Variants in TENM3 observed in about 807,000 individuals in gnomAD.
TENM3 encodes the protein teneurin-3.
TENM3 carries 63 observed loss-of-function variants against 255.1 expected under a neutral mutation model. The observed-to-expected ratio is 0.25, with a 90% CI of 0.20 to 0.30. The LOEUF is 0.30. TENM3 is among the 10% of genes least tolerant of loss of function. TENM3 has a pLI of 1.00. For synonymous variants in TENM3, 1,306 were observed against 1,322.3 expected (o/e 0.99, Z 0.27); for missense variants, 2,929 against 3,461.1 (o/e 0.85, Z 3.86).
At chr4:182,768,322 G>A (rs1480367005) in intron 22 of TENM3, among the ~76,000 whole-genome samples, 1 of 152,204 alleles carries the variant, frequency 6.6e-6, no homozygotes, top group South Asian at 2.1e-4. Flanking sequence ...GAAAGTTTTC[G>A]AGAACTGCAA....
the TENM3 span, among the ~76,000 whole-genome samples, chr4:181,691,232 ATCT>A: frequency 6.0e-4 from 68 of 113,802 alleles, no homozygotes; most frequent in African/African-American, 1.6e-3. Flanking sequence ...GACAAATATG[ATCT>A]TGTGTGTGTG....
At chr4:182,284,627 A>T in intron 1 of TENM3, among the ~76,000 whole-genome samples, 1 of 152,274 alleles carries the variant, frequency 6.6e-6, no homozygotes, top group East Asian at 1.9e-4. Context: ...CGAAGCTGTC[A>T]GGAGAAGCGT....
chr4:182,282,006 G>C (rs1300406775), intron 1 of TENM3, among the ~76,000 whole-genome samples: 9 of 152,196 alleles, frequency 5.9e-5, no homozygotes, highest in Admixed American at 5.9e-4. Flanking sequence ...AATGTGCTGA[G>C]ATTACAGGCA....
chr4:182,113,108 A>G, the TENM3 span, among the ~76,000 whole-genome samples: 1 of 152,250 alleles, frequency 6.6e-6, no homozygotes, highest in African/African-American at 2.4e-5. Context: ...CTGGCTTTTT[A>G]AATGATTAAA....
the TENM3 span, among the ~76,000 whole-genome samples, chr4:181,642,988 G>T: frequency 6.6e-6 from 1 of 152,066 alleles, no homozygotes; most frequent in East Asian, 1.9e-4. Context: ...GGCTATGTGG[G>T]CTCTTCTTTG....
chr4:182,460,197 A>G (rs1334841139), intron 3 of TENM3, among the ~76,000 whole-genome samples: 1 of 152,210 alleles, frequency 6.6e-6, no homozygotes, highest in South Asian at 2.1e-4. Flanking sequence ...ACCCTAGGAC[A>G]GAGGACGTAA....
At chr4:181,966,775 G>A in the TENM3 span, among the ~76,000 whole-genome samples, 26 of 152,276 alleles carry the variant, frequency 1.7e-4, no homozygotes, top group Non-Finnish European at 2.4e-4. Context: ...ACAATAGCTA[G>A]TAAATTGACT....
At chr4:181,496,395 A>C in the TENM3 span, among the ~76,000 whole-genome samples, 1 of 152,246 alleles carries the variant, frequency 6.6e-6, no homozygotes, top group Non-Finnish European at 1.5e-5. Flanking sequence ...TATTCTGAAC[A>C]TTCTGTACAC....
chr4:181,529,856 T>C, the TENM3 span, among the ~76,000 whole-genome samples: 4,002 of 152,304 alleles, frequency 0.026, 113 homozygotes, highest in East Asian at 0.077. Context: ...GACTGAACTC[T>C]TTGATGAGGT....
At chr4:181,953,786 T>C in the TENM3 span, among the ~76,000 whole-genome samples, 461 of 152,250 alleles carry the variant, frequency 3.0e-3, 2 homozygotes, top group Non-Finnish European at 5.3e-3. Context: ...TTTATTGACA[T>C]TCAGGTATAA....
At chr4:182,424,388 CTCTT>C (rs1561432625) in intron 3 of TENM3, among the ~76,000 whole-genome samples, 1 of 152,100 alleles carries the variant, frequency 6.6e-6, no homozygotes, top group Non-Finnish European at 1.5e-5. Context: ...GTTAAAGTCA[CTCTT>C]TCTAGCATTT....
chr4:182,769,414 C>T lies in TENM3; in HGVS notation c.4893-4058C>T, dbSNP rs191534832. On this transcript the variant is annotated intron_variant, in intron 22 of 27. Coordinates refer to ENST00000511685, the MANE Select transcript of TENM3 (RefSeq NM_001080477.4). ...GCTAATCTGTGAAAAAGTTTTTACT[C>T]GTCCGCACTGAAATGAAAAAAAAAA... is the stretch of plus-strand genomic sequence containing the variant. Among the ~76,000 whole-genome samples the T allele has an allele frequency of 4.4e-3, 664 of 150,686 alleles. 9 individuals are homozygous for T. Among genetic ancestry groups the T allele is most frequent in the African/African-American group, 0.015 (630 of 40,910 alleles).
the TENM3 span, among the ~76,000 whole-genome samples, chr4:182,100,860 C>CAT: frequency 5.8e-5 from 2 of 34,396 alleles, 1 homozygote; most frequent in African/African-American, 3.5e-4. Flanking sequence ...TATATATACT[C>CAT]ATATATATAT....
At chr4:181,549,861 A>G in the TENM3 span, among the ~76,000 whole-genome samples, 1 of 152,174 alleles carries the variant, frequency 6.6e-6, no homozygotes. Flanking sequence ...TCCTCTATAA[A>G]TATCTTTTCA....
the TENM3 span, among the ~76,000 whole-genome samples, chr4:181,657,449 A>T: frequency 6.6e-6 from 1 of 152,198 alleles, no homozygotes; most frequent in Admixed American, 6.5e-5. Context: ...AGAGAAATGC[A>T]AATCAAAACC....
chr4:182,783,592 A>T (rs1456279974), intron 24 of TENM3, among the ~76,000 whole-genome samples: 1 of 149,430 alleles, frequency 6.7e-6, no homozygotes, highest in African/African-American at 2.4e-5. Context: ...CCTGAATCTG[A>T]ACGTTGGCCT....
intron 3 of TENM3, among the ~76,000 whole-genome samples, chr4:182,486,267 G>A (rs935426765): frequency 1.8e-5 from 2 of 110,020 alleles, no homozygotes; most frequent in Non-Finnish European, 3.4e-5. Context: ...AAAAGAAAAA[G>A]GTTCTACTTT....
the TENM3 span, among the ~76,000 whole-genome samples, chr4:181,491,478 A>G: frequency 6.6e-6 from 1 of 152,014 alleles, no homozygotes; most frequent in East Asian, 1.9e-4. Flanking sequence ...AAAAAAATCT[A>G]AGACCAGATA....
the TENM3 span, among the ~76,000 whole-genome samples, chr4:181,835,717 A>C: frequency 5.3e-4 from 80 of 152,302 alleles, no homozygotes; most frequent in African/African-American, 1.9e-3. Flanking sequence ...ATGTTTACCA[A>C]ACCTTGGTGT....
Sources: allele counts gnomAD v4.1 joint callset (sites outside exome capture counted in the v4.1 genomes callset), GRCh38; gene constraint gnomAD v4.1.1; transcripts MANE v1.5; gene names NCBI Gene and HGNC (gene_info 2026-07-23, HGNC 2026-07-21).